UBL3: variants seen among roughly 807,000 people sequenced by gnomAD.
UBL3 encodes the protein ubiquitin like 3.
A neutral mutation model predicts 18.4 loss-of-function variants in UBL3; 6 were observed. The ratio of observed to expected loss-of-function variants is 0.33; its 90% confidence interval spans 0.18 to 0.64. The LOEUF is 0.64. Ranked by LOEUF, UBL3 falls within the 30% of genes least tolerant of loss-of-function variation. The pLI is 0.76. For synonymous variants in UBL3, 49 were observed against 46.6 expected (o/e 1.05, Z -0.21); for missense variants, 109 against 142.9 (o/e 0.76, Z 1.21).
rs1876654625 is a variant in UBL3, at chr13:29,765,564, T to C, written c.*1691A>G. ...GTAGAAAACATGAATGAGACGGTGC[T>C]TAAACAATTATTGACCTAATCAAGA... On this transcript the variant is annotated 3_prime_UTR_variant, in exon 5 of 5. Transcript: ENST00000380680. The C allele has an allele frequency of 6.6e-6, 1 of 152,502 alleles. No individual in the cohort carries two copies. The highest frequency in any genetic ancestry group is 1.5e-5 in the Non-Finnish European group (1 of 67,982). The allele number at this position is 152,502 out of a possible 1,614,324, so 9.4% of individuals were successfully genotyped here. A position where few individuals can be genotyped will look rare whatever the true frequency, so the allele number is the denominator to read the frequency against.
chr13:29,799,480 A>C (rs991330057), intron 1 of UBL3, among the ~76,000 whole-genome samples: 7 of 152,238 alleles, frequency 4.6e-5, no homozygotes, highest in African/African-American at 1.7e-4. Context: ...ATGGTTAAGT[A>C]AAAATGTCTA....
intron 1 of UBL3, among the ~76,000 whole-genome samples, chr13:29,826,370 T>A (rs1169476020): frequency 6.6e-6 from 1 of 152,226 alleles, no homozygotes; most frequent in East Asian, 1.9e-4. Flanking sequence ...TGCCTGAATT[T>A]CAGAGCCTGT....
At chr13:29,820,653 A>G (rs1878411475) in intron 1 of UBL3, among the ~76,000 whole-genome samples, 1 of 152,136 alleles carries the variant, frequency 6.6e-6, no homozygotes, top group Non-Finnish European at 1.5e-5. Flanking sequence ...CATCCACTAC[A>G]TTTCTGTCCT....
chr13:29,842,515 C>CA (rs908719403), intron 1 of UBL3, among the ~76,000 whole-genome samples: 1 of 152,128 alleles, frequency 6.6e-6, no homozygotes, highest in African/African-American at 2.4e-5. Flanking sequence ...TTCCTAGCTG[C>CA]AAAACAGTCA....
At chr13:29,846,928 T>C (rs1432439140) in intron 1 of UBL3, among the ~76,000 whole-genome samples, 2 of 152,242 alleles carry the variant, frequency 1.3e-5, no homozygotes, top group Non-Finnish European at 2.9e-5. Context: ...AGAGTTATGC[T>C]GCAAGGGATA....
intron 1 of UBL3, among the ~76,000 whole-genome samples, chr13:29,821,468 T>TTGCTC (rs1400994024): frequency 3.9e-5 from 6 of 152,296 alleles, no homozygotes; most frequent in African/African-American, 1.2e-4. Flanking sequence ...CCAGATGTAA[T>TTGCTC]ACCTTTTGCA....
Position 29,835,089 on chromosome 13 carries a change from AATATAT to A in UBL3, c.27+14417_27+14422del, listed in dbSNP as rs1163376473. ...GCAGCAAATAAAATATATAAATATA[AATATAT>A]ATATATATATAAATATATATATATA... is the stretch of plus-strand genomic sequence containing the variant. On this transcript the variant is annotated intron_variant, in intron 1 of 4. Transcript: ENST00000380680. Among the ~76,000 whole-genome samples, 7 of 74,264 alleles carry A rather than the reference AATATAT, an allele frequency of 9.4e-5. No homozygotes were observed. In the South Asian group the frequency reaches 1.2e-3, roughly 13 times the overall value. The allele number at this position is 74,264 out of a possible 152,430, so 48.7% of individuals were successfully genotyped here.
At chr13:29,795,640 G>C (rs187249411) in intron 1 of UBL3, among the ~76,000 whole-genome samples, 1 of 151,444 alleles carries the variant, frequency 6.6e-6, no homozygotes, top group Non-Finnish European at 1.5e-5. Context: ...GCAACCCTAA[G>C]GAGAGGTGGC....
chr13:29,784,992 G>A (rs1877272397), intron 1 of UBL3, among the ~76,000 whole-genome samples: 1 of 152,076 alleles, frequency 6.6e-6, no homozygotes, highest in South Asian at 2.1e-4. Flanking sequence ...CGCAACCTCC[G>A]GCTCCCGGGT....
At chr13:29,786,073 C>G (rs1877306675) in intron 1 of UBL3, among the ~76,000 whole-genome samples, 1 of 152,160 alleles carries the variant, frequency 6.6e-6, no homozygotes, top group South Asian at 2.1e-4. Context: ...AGGTATTACT[C>G]TCCCATTCTA....
intron 1 of UBL3, among the ~76,000 whole-genome samples, chr13:29,820,169 C>CTTTT (rs36050662): frequency 4.3e-4 from 45 of 104,954 alleles, no homozygotes; most frequent in Non-Finnish European, 7.1e-4. Flanking sequence ...CTCAGAGTTC[C>CTTTT]TTTTTTTTTT....
chr13:29,776,691 T>C (rs894499786), intron 2 of UBL3, among the ~76,000 whole-genome samples: 1 of 151,824 alleles, frequency 6.6e-6, no homozygotes, highest in Non-Finnish European at 1.5e-5. Flanking sequence ...GCCGACATGG[T>C]GAAACCCTGT....
chr13:29,798,938 C>G (rs181130278), intron 1 of UBL3, among the ~76,000 whole-genome samples: 12 of 152,302 alleles, frequency 7.9e-5, no homozygotes, highest in Admixed American at 7.2e-4. Context: ...AGATATTATT[C>G]TCTTTATTTT....
At chr13:29,845,857 C>T (rs192369421) in intron 1 of UBL3, among the ~76,000 whole-genome samples, 17 of 152,160 alleles carry the variant, frequency 1.1e-4, no homozygotes, top group Admixed American at 6.5e-5. Context: ...ATTGCTTTGC[C>T]ATTATTCTCA....
intron 1 of UBL3, among the ~76,000 whole-genome samples, chr13:29,825,193 CT>C (rs1458674598): frequency 1.3e-5 from 2 of 152,124 alleles, no homozygotes; most frequent in Non-Finnish European, 2.9e-5. Flanking sequence ...AATGTGGGCT[CT>C]TTTTTGGTTC....
At chr13:29,818,374 A>G (rs978061624) in intron 1 of UBL3, among the ~76,000 whole-genome samples, 4 of 152,230 alleles carry the variant, frequency 2.6e-5, no homozygotes, top group Non-Finnish European at 5.9e-5. Flanking sequence ...TCAATTATTT[A>G]AACGACTACT....
intron 1 of UBL3, among the ~76,000 whole-genome samples, chr13:29,811,974 C>CG (rs995453526): frequency 3.9e-5 from 6 of 151,994 alleles, no homozygotes; most frequent in African/African-American, 1.4e-4. Context: ...TCCCTTACTC[C>CG]GGCTCCATCT....
chr13:29,832,402 G>A (rs1878802095), intron 1 of UBL3, among the ~76,000 whole-genome samples: 1 of 150,746 alleles, frequency 6.6e-6, no homozygotes, highest in South Asian at 2.1e-4. Flanking sequence ...GCGCTATCTC[G>A]GCTCACTGCA....
At chr13:29,793,215 G>A (rs564931126) in intron 1 of UBL3, among the ~76,000 whole-genome samples, 1 of 152,186 alleles carries the variant, frequency 6.6e-6, no homozygotes, top group East Asian at 1.9e-4. Context: ...AAACTCCTGG[G>A]GAAAAGTCAA....
Sources: gnomAD v4.1 joint callset for allele counts (sites outside exome capture counted in the v4.1 genomes callset) on GRCh38, gnomAD v4.1.1 for gene constraint, MANE v1.5 for transcripts, NCBI Gene and HGNC (gene_info 2026-07-23, HGNC 2026-07-21) for gene names.